The following LOC128462377 variants were observed in gnomAD, a reference collection of about 807,000 sequenced individuals.
chr16:89,323,213 C>A, the LOC128462377 span: 1 of 931,162 alleles, frequency 1.1e-6, no homozygotes, highest in Non-Finnish European at 1.5e-6. Context: ...CTCCAACGGA[C>A]TGAGCGGAGG....
the LOC128462377 span, among the ~76,000 whole-genome samples, chr16:89,348,336 T>C: frequency 2.6e-5 from 4 of 152,194 alleles, no homozygotes; most frequent in African/African-American, 9.6e-5. Context: ...CTAAACCAAA[T>C]TTGAACTTCT....
At chr16:89,390,117 C>T in the LOC128462377 span, among the ~76,000 whole-genome samples, 1 of 59,292 alleles carries the variant, frequency 1.7e-5, no homozygotes, top group African/African-American at 1.3e-4. Flanking sequence ...GGGCGAACAC[C>T]GAGTGTGGCG....
the LOC128462377 span, among the ~76,000 whole-genome samples, chr16:89,401,310 C>A: frequency 6.6e-6 from 1 of 152,124 alleles, no homozygotes; most frequent in Non-Finnish European, 1.5e-5. Flanking sequence ...AACTCCTGAC[C>A]TCGTGATCCA....
At chr16:89,342,198 G>C in the LOC128462377 span, among the ~76,000 whole-genome samples, 9 of 152,236 alleles carry the variant, frequency 5.9e-5, no homozygotes, top group African/African-American at 2.2e-4. Flanking sequence ...CTGACAGGTA[G>C]GTCTCCACCA....
At chr16:89,392,536 G>A in the LOC128462377 span, 1 of 152,038 alleles carries the variant, frequency 6.6e-6, no homozygotes, top group Non-Finnish European at 1.5e-5. Flanking sequence ...GCACTGTGAT[G>A]CCACGCTGAG....
At chr16:89,350,455 T>G in the LOC128462377 span, among the ~76,000 whole-genome samples, 12 of 152,090 alleles carry the variant, frequency 7.9e-5, no homozygotes, top group African/African-American at 2.9e-4. Context: ...ATGCGACATA[T>G]CTACCCCCTA....
chr16:89,346,944 C>G, the LOC128462377 span, among the ~76,000 whole-genome samples: 2 of 152,174 alleles, frequency 1.3e-5, no homozygotes, highest in Non-Finnish European at 1.5e-5. Flanking sequence ...ACAAGCTACA[C>G]GACACAATAG....
At chr16:89,393,638 G>A in the LOC128462377 span, among the ~76,000 whole-genome samples, 3 of 151,926 alleles carry the variant, frequency 2.0e-5, no homozygotes, top group East Asian at 1.9e-4. Flanking sequence ...CACTGCGCCC[G>A]GCCTAGTTTC....
the LOC128462377 span, among the ~76,000 whole-genome samples, chr16:89,354,600 G>A: frequency 6.6e-6 from 1 of 152,226 alleles, no homozygotes; most frequent in East Asian, 1.9e-4. Context: ...TACAAAAGCT[G>A]GCAGGGCACG....
the LOC128462377 span, among the ~76,000 whole-genome samples, chr16:89,392,885 G>A: frequency 4.6e-5 from 7 of 151,808 alleles, no homozygotes; most frequent in Non-Finnish European, 7.4e-5. Flanking sequence ...ACCTTTGAGA[G>A]TGAACTTGTG....
At chr16:89,370,223 G>A in the LOC128462377 span, among the ~76,000 whole-genome samples, 2 of 152,246 alleles carry the variant, frequency 1.3e-5, no homozygotes, top group Non-Finnish European at 1.5e-5. Flanking sequence ...GGACTCAGGC[G>A]AGGGGAGCCC....
chr16:89,393,815 G>A, the LOC128462377 span, among the ~76,000 whole-genome samples: 1 of 152,182 alleles, frequency 6.6e-6, no homozygotes, highest in East Asian at 1.9e-4. Context: ...CAGGCTCTAA[G>A]TATTTAATGA....
the LOC128462377 span, among the ~76,000 whole-genome samples, chr16:89,380,944 A>G: frequency 6.6e-6 from 1 of 152,180 alleles, no homozygotes; most frequent in Non-Finnish European, 1.5e-5. Context: ...CCTGCTTCCC[A>G]GTGTGGGCCC....
the LOC128462377 span, among the ~76,000 whole-genome samples, chr16:89,385,184 TGGTG>T: frequency 6.7e-6 from 1 of 149,202 alleles, no homozygotes; most frequent in African/African-American, 2.5e-5. Context: ...CCTTGAGAAA[TGGTG>T]TTTTTTTGTT....
chr16:89,330,466 G>C, the LOC128462377 span, among the ~76,000 whole-genome samples: 2 of 152,092 alleles, frequency 1.3e-5, no homozygotes, highest in African/African-American at 4.8e-5. Flanking sequence ...GCACAGACAC[G>C]GCTGCGGATG....
At chr16:89,368,867 T>C in the LOC128462377 span, among the ~76,000 whole-genome samples, 1 of 152,030 alleles carries the variant, frequency 6.6e-6, no homozygotes, top group African/African-American at 2.4e-5. Context: ...GCCACTGCAC[T>C]CAAATCTAGG....
At chr16:89,383,615 C>T in the LOC128462377 span, among the ~76,000 whole-genome samples, 1,125 of 152,222 alleles carry the variant, frequency 7.4e-3, 15 homozygotes, top group African/African-American at 0.025. Context: ...GGTGTCACGT[C>T]GAGCCCCTGC....
chr16:89,367,686 C>T, the LOC128462377 span, among the ~76,000 whole-genome samples: 1 of 152,214 alleles, frequency 6.6e-6, no homozygotes, highest in Admixed American at 6.5e-5. Flanking sequence ...CAAGCAGCAA[C>T]AGCTGCAGGT....
At chr16:89,410,025 G>C in the LOC128462377 span, among the ~76,000 whole-genome samples, 214 of 152,198 alleles carry the variant, frequency 1.4e-3, no homozygotes, top group Non-Finnish European at 2.1e-3. Flanking sequence ...ATTTTTAGTA[G>C]AGACGGGTTT....
Sources: gnomAD v4.1 joint callset for allele counts (sites outside exome capture counted in the v4.1 genomes callset) on GRCh38, gnomAD v4.1.1 for gene constraint, MANE v1.5 for transcripts.